Variants in RBM47 observed in about 807,000 individuals in gnomAD.
The protein encoded by RBM47 is RNA-binding protein 47.
Under a neutral mutation model 47.1 loss-of-function variants are expected in RBM47, and 21 were observed. The observed-to-expected ratio is 0.45, with a 90% CI of 0.32 to 0.64. The LOEUF (loss-of-function observed/expected upper bound fraction) is 0.64, where lower values mean the gene tolerates loss of function less well. Ranked by LOEUF, RBM47 falls within the 30% of genes least tolerant of loss-of-function variation. The probability of loss-of-function intolerance (pLI) is 0.05; values close to 1 mark genes in which losing one functional copy is unlikely to be tolerated. For missense variants in RBM47, 708 were observed against 870.9 expected, an observed-to-expected ratio of 0.81 and a Z score of 2.35; for synonymous variants, 375 against 361.7, an observed-to-expected ratio of 1.04 and a Z score of -0.42.
intron 1 of RBM47, among the ~76,000 whole-genome samples, chr4:40,622,030 A>C (rs776444233): frequency 1.3e-5 from 2 of 152,248 alleles, no homozygotes; most frequent in Non-Finnish European, 2.9e-5. Flanking sequence ...AAACGCATTC[A>C]GTCACGCTTG....
intron 2 of RBM47, among the ~76,000 whole-genome samples, chr4:40,482,174 G>A (rs1720524203): frequency 6.6e-6 from 1 of 152,238 alleles, no homozygotes; most frequent in African/African-American, 2.4e-5. Flanking sequence ...ATCAGGTGAA[G>A]AGTATTGCTA....
chr4:40,452,181 AAAG>A (rs1715549989), intron 3 of RBM47, among the ~76,000 whole-genome samples: 1 of 152,076 alleles, frequency 6.6e-6, no homozygotes, highest in African/African-American at 2.4e-5. Context: ...AAAAAAAAAA[AAAG>A]AAGGAAAGGG....
At chr4:40,460,473 A>G (rs1716945847) in intron 3 of RBM47, among the ~76,000 whole-genome samples, 2 of 152,232 alleles carry the variant, frequency 1.3e-5, no homozygotes, top group Non-Finnish European at 2.9e-5. Flanking sequence ...GTGTGACTTC[A>G]GGTGAGTGAC....
intron 1 of RBM47, among the ~76,000 whole-genome samples, chr4:40,578,430 T>C (rs1732543947): frequency 6.6e-6 from 1 of 152,206 alleles, no homozygotes; most frequent in African/African-American, 2.4e-5. Context: ...ATAAAAGCAA[T>C]TGAGAACTTT....
At chr4:40,488,347 G>GT (rs1721404198) in intron 2 of RBM47, among the ~76,000 whole-genome samples, 2 of 140,470 alleles carry the variant, frequency 1.4e-5, no homozygotes, top group Admixed American at 1.5e-4. Flanking sequence ...AAAAAAAAGG[G>GT]TGGGGGGGAA....
chr4:40,430,843 TG>T (rs1395375335), intron 6 of RBM47, among the ~76,000 whole-genome samples: 2 of 152,214 alleles, frequency 1.3e-5, no homozygotes, highest in Non-Finnish European at 2.9e-5. Context: ...TCCCAGCACT[TG>T]GGGAGCTTGA....
chr4:40,566,194 G>C (rs1478765280), intron 1 of RBM47, among the ~76,000 whole-genome samples: 1 of 152,168 alleles, frequency 6.6e-6, no homozygotes, highest in African/African-American at 2.4e-5. Context: ...TTATTGAGGA[G>C]AACTGCTTCA....
chr4:40,434,087 T>C (rs1051309201), intron 5 of RBM47, among the ~76,000 whole-genome samples: 9 of 152,004 alleles, frequency 5.9e-5, no homozygotes, highest in African/African-American at 1.9e-4. Context: ...AGAATCTTTC[T>C]ATTTCTGGTT....
chr4:40,542,858 C>G (rs1393655797), intron 2 of RBM47: 2 of 152,072 alleles, frequency 1.3e-5, no homozygotes, highest in Non-Finnish European at 2.9e-5. Context: ...GTTTTAGACT[C>G]TTAACTCCTT....
intron 2 of RBM47, among the ~76,000 whole-genome samples, chr4:40,487,239 C>A (rs897284481): frequency 6.6e-6 from 1 of 152,182 alleles, no homozygotes; most frequent in African/African-American, 2.4e-5. Context: ...ACTCAGATTT[C>A]CTCAAGGACT....
intron 2 of RBM47, among the ~76,000 whole-genome samples, chr4:40,522,464 C>A (rs1163233736): frequency 6.6e-6 from 1 of 152,114 alleles, no homozygotes; most frequent in African/African-American, 2.4e-5. Context: ...GAGATTGTGC[C>A]ACTGCATTCC....
chr4:40,625,203 G>A (rs1283978124), intron 1 of RBM47, among the ~76,000 whole-genome samples: 5 of 151,948 alleles, frequency 3.3e-5, no homozygotes, highest in East Asian at 3.8e-4. Context: ...TGGAACCCTC[G>A]TTTTTGAAAC....
intron 5 of RBM47, among the ~76,000 whole-genome samples, chr4:40,435,459 G>T (rs745874363): frequency 2.6e-5 from 4 of 152,094 alleles, no homozygotes; most frequent in African/African-American, 4.8e-5. Flanking sequence ...TGAGGCAGGA[G>T]AATCGCTTAA....
chr4:40,477,419 T>G (rs1055964615), intron 2 of RBM47, among the ~76,000 whole-genome samples: 4 of 152,200 alleles, frequency 2.6e-5, no homozygotes, highest in African/African-American at 4.8e-5. Flanking sequence ...CTGAAGGAAC[T>G]CTGAAGCAGT....
intron 2 of RBM47, among the ~76,000 whole-genome samples, chr4:40,510,194 A>AC (rs1290507327): frequency 3.3e-5 from 5 of 151,052 alleles, no homozygotes; most frequent in Admixed American, 6.6e-5. Flanking sequence ...TCTCAAAAAA[A>AC]AAAAAAAAAA....
At chr4:40,497,053 A>AAAG (rs1186541726) in intron 2 of RBM47, among the ~76,000 whole-genome samples, 4 of 151,218 alleles carry the variant, frequency 2.6e-5, no homozygotes, top group African/African-American at 9.7e-5. Flanking sequence ...AAAAAAAAAA[A>AAAG]AAAAGAAAGA....
intron 2 of RBM47, among the ~76,000 whole-genome samples, chr4:40,479,758 C>T (rs1419000134): frequency 6.6e-6 from 1 of 152,070 alleles, no homozygotes; most frequent in Non-Finnish European, 1.5e-5. Context: ...CTCCCTCAGC[C>T]TCCTAAGTAG....
chr4:40,556,148 G>A (rs138372428), intron 1 of RBM47, among the ~76,000 whole-genome samples: 3,674 of 151,132 alleles, frequency 0.024, 62 homozygotes, highest in Non-Finnish European at 0.034. Flanking sequence ...CAGTTCTCAC[G>A]CCTCAGCCTC....
At chr4:40,492,653 GAC>G (rs1722041993) in intron 2 of RBM47, among the ~76,000 whole-genome samples, 1 of 152,110 alleles carries the variant, frequency 6.6e-6, no homozygotes, top group Non-Finnish European at 1.5e-5. Flanking sequence ...GTTTCCTTAT[GAC>G]ACAATTTTTA....
Sources: gnomAD v4.1 joint callset for allele counts (sites outside exome capture counted in the v4.1 genomes callset) on GRCh38, gnomAD v4.1.1 for gene constraint, MANE v1.5 for transcripts, NCBI Gene and HGNC (gene_info 2026-07-23, HGNC 2026-07-21) for gene names.